Variants in KIRREL3 observed in about 807,000 individuals in gnomAD.
KIRREL3 encodes the protein kin of IRRE-like protein 3.
A neutral mutation model predicts 89.7 loss-of-function variants in KIRREL3; 36 were observed. The observed-to-expected ratio is 0.40, with a 90% CI of 0.31 to 0.53. The LOEUF (loss-of-function observed/expected upper bound fraction) is 0.53, where lower values mean the gene tolerates loss of function less well. KIRREL3 is among the 20% of genes least tolerant of loss of function. The pLI is 0.49. For synonymous variants in KIRREL3, 445 were observed against 441.4 expected (o/e 1.01, Z -0.10); for missense variants, 864 against 1,056.6 (o/e 0.82, Z 2.53).
intron 5 of KIRREL3, among the ~76,000 whole-genome samples, chr11:126,464,430 C>T (rs911536222): frequency 1.3e-5 from 2 of 151,252 alleles, no homozygotes; most frequent in African/African-American, 4.9e-5. Context: ...ACTTGGGAGG[C>T]TAAGGTGAGA....
At chr11:126,593,311 C>T (rs113715579) in intron 1 of KIRREL3, among the ~76,000 whole-genome samples, 9,787 of 152,242 alleles carry the variant, frequency 0.064, 342 homozygotes, top group Middle Eastern at 0.15. Context: ...TATTTAGCAC[C>T]GTTATCGGGA....
Position 126,776,558 on chromosome 11 carries a change from C to T in KIRREL3, c.56-213646G>A, listed in dbSNP as rs1847874158. On this transcript the variant is annotated intron_variant, in intron 1 of 16. Transcript: ENST00000525144. This position sits in a 1 kb window ranked among gnomAD's most constrained non-coding sequence, Gnocchi z 4.7. ...CCGTCGGTAGGGTTAATGCAGGTCC[C>T]TTAAGAGAGATTGAGTCCTTCTCTA... 6.6e-6 allele frequency among the ~76,000 whole-genome samples: 1 copy of T among 152,118 alleles called. No homozygotes were observed. Among genetic ancestry groups the T allele is most frequent in the African/African-American group, 2.4e-5 (1 of 41,424 alleles).
rs1317698185 is a variant in KIRREL3, at chr11:126,652,178, C to T, written c.56-89266G>A. ...GGTCACTGGCAGGCTGGAATTTCAG[C>T]CCCTCAGAGTGAAGGGATGGGCTTC... On this transcript the variant is annotated intron_variant, in intron 1 of 16. Transcript: ENST00000525144. The surrounding 1 kb of genome is among the most constrained non-coding windows in gnomAD (Gnocchi z 4.9). Among the ~76,000 whole-genome samples the T allele has an allele frequency of 4.6e-5, 7 of 152,206 alleles. No individual in the cohort carries two copies. The highest frequency in any genetic ancestry group is 1.7e-4 in the African/African-American group (7 of 41,528).
rs570377129 is a variant in KIRREL3 at position 126,726,449 on chromosome 11, C to A, written c.56-163537G>T. Among the ~76,000 whole-genome samples the A allele has an allele frequency of 2.4e-3, 358 of 152,212 alleles. 1 individual carries two copies. The highest frequency in any genetic ancestry group is 4.2e-3 in the Non-Finnish European group (287 of 68,016). On this transcript the variant is annotated intron_variant, in intron 1 of 16. Transcript: ENST00000525144. ...GTGGCATGACCTTGGCTCACTGCAA[C>A]CTCCTCCTCCTGGGTTCAAGCGATT...
intron 1 of KIRREL3, among the ~76,000 whole-genome samples, chr11:126,855,072 C>T (rs1944465328): frequency 6.6e-6 from 1 of 152,208 alleles, no homozygotes; most frequent in Non-Finnish European, 1.5e-5. Flanking sequence ...CAGTCTGGCT[C>T]AGGAGCCTGG....
chr11:126,957,176 C>G (rs1948947596), intron 1 of KIRREL3, among the ~76,000 whole-genome samples: 1 of 152,168 alleles, frequency 6.6e-6, no homozygotes, highest in Admixed American at 6.5e-5. Context: ...CAACTTCCAG[C>G]CTCTTCTACA....
intron 1 of KIRREL3, among the ~76,000 whole-genome samples, chr11:126,588,282 T>C (rs1191844044): frequency 2.0e-5 from 3 of 152,248 alleles, no homozygotes; most frequent in Non-Finnish European, 4.4e-5. Flanking sequence ...GATACTCAGC[T>C]TCTCTGAGCC....
chr11:126,986,234 CAGATGCCT>C (rs1353340147), intron 1 of KIRREL3, among the ~76,000 whole-genome samples: 7 of 152,202 alleles, frequency 4.6e-5, no homozygotes, highest in African/African-American at 1.7e-4. Context: ...AAAAGAGGCC[CAGATGCCT>C]AGTGATGAGA....
At chr11:126,559,048 G>T (rs112336956) in intron 2 of KIRREL3, among the ~76,000 whole-genome samples, 86 of 152,194 alleles carry the variant, frequency 5.7e-4, no homozygotes, top group African/African-American at 2.0e-3. Flanking sequence ...TGAGGAAGGA[G>T]AGCTGGTACA....
intron 4 of KIRREL3, among the ~76,000 whole-genome samples, chr11:126,481,975 G>A (rs190162780): frequency 3.3e-5 from 5 of 152,314 alleles, no homozygotes; most frequent in Non-Finnish European, 5.9e-5. Flanking sequence ...CCTCCTTGTG[G>A]ATAAGAGCCA....
Position 126,424,127 on chromosome 11 carries a change from G to T in KIRREL3, c.*453C>A. 5.2e-6 allele frequency: 1 copy of T among 193,176 alleles called. No homozygotes were observed. The allele number at this position is 193,176 out of a possible 1,614,324, so 12.0% of individuals were successfully genotyped here. A position where few individuals can be genotyped will look rare whatever the true frequency, so the allele number is the denominator to read the frequency against. On this transcript the variant is annotated 3_prime_UTR_variant, in exon 17 of 17. Transcript: ENST00000525144. ...TGGGGCAGCTCAGTGCTGGGAAGAC[G>T]TCATCCCCTTCTCCCCAGGGCTGTA...
In KIRREL3 at chr11:126,955,072, T is replaced by C. The variant is rs902471590; in HGVS notation, c.55+45383A>G. On this transcript the variant is annotated intron_variant, in intron 1 of 16. Coordinates refer to ENST00000525144, the MANE Select transcript of KIRREL3 (RefSeq NM_032531.4). The surrounding 1 kb of genome is among the most constrained non-coding windows in gnomAD (Gnocchi z 4.6). ...TACACTGGCCTTGCTCTGATGATGT[T>C]TGTGCCCTGAAGGCCACATCTGCCT... Among the ~76,000 whole-genome samples the C allele has an allele frequency of 2.0e-5, 3 of 152,184 alleles. No individual in the cohort carries two copies. The highest frequency in any genetic ancestry group is 4.8e-5 in the African/African-American group (2 of 41,448).
rs183952155 is a variant in KIRREL3 at position 126,969,496 on chromosome 11, G to A, written c.55+30959C>T. Among the ~76,000 whole-genome samples the A allele has an allele frequency of 1.3e-5, 2 of 152,296 alleles. No individual in the cohort carries two copies. Among genetic ancestry groups the A allele is most frequent in the East Asian group, 3.9e-4 (2 of 5,176 alleles). ...AACAGGTGTGAACCAGGGGAAGAGG[G>A]AGTAAGAACGTCTCCTGAGGGCGGA... On this transcript the variant is annotated intron_variant, in intron 1 of 16. Coordinates refer to ENST00000525144, the MANE Select transcript of KIRREL3 (RefSeq NM_032531.4). The surrounding 1 kb of genome is among the most constrained non-coding windows in gnomAD (Gnocchi z 4.9).
chr11:126,674,037 C>T (rs1230305191), intron 1 of KIRREL3, among the ~76,000 whole-genome samples: 1 of 152,228 alleles, frequency 6.6e-6, no homozygotes, highest in African/African-American at 2.4e-5. Context: ...GGTGTCTTCA[C>T]CGGACATTTG....
At chr11:126,701,119 T>C (rs1947297333) in intron 1 of KIRREL3, among the ~76,000 whole-genome samples, 2 of 152,214 alleles carry the variant, frequency 1.3e-5, no homozygotes, top group Admixed American at 1.3e-4. Flanking sequence ...ACAATGAAAT[T>C]ATCTCAATGC....
rs1382590424 is a variant in KIRREL3, at chr11:126,769,060, TC to T, written c.56-206149del. Among the ~76,000 whole-genome samples the T allele has an allele frequency of 6.6e-6, 1 of 152,180 alleles. No individual in the cohort carries two copies. Among genetic ancestry groups the T allele is most frequent in the Non-Finnish European group, 1.5e-5 (1 of 68,020 alleles). On this transcript the variant is annotated intron_variant, in intron 1 of 16. Coordinates refer to ENST00000525144, the MANE Select transcript of KIRREL3 (RefSeq NM_032531.4). This position sits in a 1 kb window ranked among gnomAD's most constrained non-coding sequence, Gnocchi z 4.3. ...ATAGGCTGTCCCCTGGGGTCTCCTT[TC>T]CGCATCTTGTTTACCTGTCAGACTC... is the stretch of plus-strand genomic sequence containing the variant.
chr11:126,887,075 A>C (rs1945724876), intron 1 of KIRREL3, among the ~76,000 whole-genome samples: 1 of 152,172 alleles, frequency 6.6e-6, no homozygotes, highest in African/African-American at 2.4e-5. Context: ...CTCCCAGAAG[A>C]ATTCAGGAAA....
At chr11:126,873,791 T>G (rs911641255) in intron 1 of KIRREL3, among the ~76,000 whole-genome samples, 1 of 152,128 alleles carries the variant, frequency 6.6e-6, no homozygotes, top group Non-Finnish European at 1.5e-5. Context: ...GCTGACTGGG[T>G]GCTTGGACAA....
intron 1 of KIRREL3, among the ~76,000 whole-genome samples, chr11:126,693,757 T>C (rs957448332): frequency 2.6e-5 from 4 of 152,232 alleles, no homozygotes; most frequent in African/African-American, 4.8e-5. Context: ...CTTCTAGTGA[T>C]AAAGTCGCAT....
Sources: gnomAD v4.1 joint callset for allele counts (sites outside exome capture counted in the v4.1 genomes callset) on GRCh38, gnomAD v4.1.1 for gene constraint, Gnocchi (gnomAD v3.1) non-coding constraint, MANE v1.5 for transcripts, NCBI Gene and HGNC (gene_info 2026-07-23, HGNC 2026-07-21) for gene names.